Variants in MROH7 observed in about 807,000 individuals in gnomAD.
MROH7 encodes maestro heat-like repeat-containing protein family member 7.
A neutral mutation model predicts 129.2 loss-of-function variants in MROH7; 113 were observed. The observed-to-expected ratio is 0.87, with a 90% CI of 0.75 to 1.02. The LOEUF is 1.02. MROH7 is among the 50% of genes least tolerant of loss of function. The pLI is 0.00. For missense variants in MROH7, 1,601 were observed against 1,671.3 expected (o/e 0.96, Z 0.73); for synonymous variants, 655 against 667.9 (o/e 0.98, Z 0.30).
At chr1:54,694,725 C>T (rs563942005) in intron 16 of MROH7, among the ~76,000 whole-genome samples, 1 of 152,304 alleles carries the variant, frequency 6.6e-6, no homozygotes, top group African/African-American at 2.4e-5. Context: ...CCGTCTCAGC[C>T]TCCCAAAGTG....
chr1:54,670,065 TAAA>T (rs1644872143), intron 5 of MROH7, among the ~76,000 whole-genome samples: 1 of 64,120 alleles, frequency 1.6e-5, no homozygotes, highest in Admixed American at 2.0e-4. Flanking sequence ...GGTCTCATCT[TAAA>T]AAGAAGAAAA....
rs772592162 is a variant in MROH7 at position 54,695,499 on chromosome 1, G to A, written c.2964+9G>A. The A allele has an allele frequency of 4.8e-5, 77 of 1,591,748 alleles. 1 individual carries two copies. Among genetic ancestry groups the A allele is most frequent in the South Asian group, 3.0e-4 (27 of 89,866 alleles). Reference sequence around the variant, plus strand: ...CCGCCTTCTTCGTGGAGGTACCAACGGGGGCAGCGGGTACACAGCGGGAGC... The same window carrying A: ...CCGCCTTCTTCGTGGAGGTACCAACAGGGGCAGCGGGTACACAGCGGGAGC... On this transcript the variant is annotated intron_variant, in intron 17 of 23. Transcript: ENST00000421030.
At chr1:54,670,467 T>C in intron 5 of MROH7, 30 bp from the exon 6 acceptor site, 1 of 1,605,900 alleles carries the variant, frequency 6.2e-7, no homozygotes, top group East Asian at 2.2e-5. Flanking sequence ...AGCCCTGTCC[T>C]CATCGGCCCT....
chr1:54,682,987 T>C (rs1425571165), intron 14 of MROH7, among the ~76,000 whole-genome samples, 193 bp downstream of exon 14: 3 of 152,044 alleles, frequency 2.0e-5, no homozygotes, highest in Non-Finnish European at 4.4e-5. Flanking sequence ...TTGTCTATGG[T>C]GACAACAGCA....
At chr1:54,680,540 T>C (rs572448076) in intron 13 of MROH7, among the ~76,000 whole-genome samples, 31 of 152,308 alleles carry the variant, frequency 2.0e-4, no homozygotes, top group Admixed American at 4.6e-4. Flanking sequence ...ATGACAGTAA[T>C]GCAGCCAGCG....
chr1:54,686,147 G>A, intron 14 of MROH7, 111 bp from the exon 15 acceptor site: 1 of 966,218 alleles, frequency 1.0e-6, no homozygotes, highest in Non-Finnish European at 1.5e-6. Flanking sequence ...GGCTGGGCCA[G>A]AGGACAGCAA....
chr1:54,673,838 A>C (rs1451531765), intron 9 of MROH7, 33 bp downstream of exon 9: 41 of 1,583,846 alleles, frequency 2.6e-5, no homozygotes, highest in Non-Finnish European at 3.2e-5. Context: ...GGACACTCTT[A>C]GGGAAAATCT....
chr1:54,707,466 A>G (rs1431051217), intron 22 of MROH7, among the ~76,000 whole-genome samples: 1 of 152,240 alleles, frequency 6.6e-6, no homozygotes, highest in Non-Finnish European at 1.5e-5. Flanking sequence ...AGAACAACAA[A>G]GAGCCCTTCA....
intron 1 of MROH7, among the ~76,000 whole-genome samples, chr1:54,650,137 C>T (rs949032433): frequency 2.0e-5 from 3 of 152,160 alleles, no homozygotes; most frequent in African/African-American, 4.8e-5. Context: ...TTAAGGGCTT[C>T]GGTGGGCCAT....
At chr1:54,660,522 A>G (rs988794090) in intron 3 of MROH7, among the ~76,000 whole-genome samples, 23 of 152,216 alleles carry the variant, frequency 1.5e-4, no homozygotes, top group African/African-American at 5.5e-4. Flanking sequence ...AGTTAAAAAA[A>G]TTGTAGTCAG....
chr1:54,699,161 T>TCTGTCTGTG (rs1553176968), intron 17 of MROH7: 4 of 113,502 alleles, frequency 3.5e-5, no homozygotes, highest in African/African-American at 1.4e-4. Flanking sequence ...TTTCTTTCTT[T>TCTGTCTGTG]TCTTTCTTTC....
intron 1 of MROH7, 84 bp downstream of exon 1, chr1:54,642,052 T>C (rs892485662): frequency 2.0e-5 from 3 of 150,760 alleles, no homozygotes; most frequent in African/African-American, 7.3e-5. Context: ...TGGCTGGGAG[T>C]TGGGGGGAGG....
chr1:54,680,948 G>GA (rs1553173795), intron 13 of MROH7, among the ~76,000 whole-genome samples: 1 of 149,614 alleles, frequency 6.7e-6, no homozygotes, highest in Non-Finnish European at 1.5e-5. Flanking sequence ...CCCCACCAGG[G>GA]TTTTTTTTTT....
Position 54,692,501 on chromosome 1 carries a change from G to A in MROH7, c.2789G>A (p.Gly930Asp), listed in dbSNP as rs568935952. The A allele has an allele frequency of 1.2e-6, 2 of 1,614,106 alleles. No homozygotes were observed. Among genetic ancestry groups the A allele is most frequent in the Admixed American group, 1.7e-5 (1 of 60,032 alleles). ...SYETTFLEDQ[G>D]GWELMEQVES... ...GAGACCACGTTTCTGGAGGACCAGG[G>A]TGGCTGGGAGCTCATGGAGCAGGTG... is the stretch of plus-strand genomic sequence containing the variant. The change falls in exon 16 of 24, where the codon GGT (glycine) becomes GAT (aspartate). Residue 930 changes from glycine (G) to aspartate (D), a missense_variant. Gly to Asp is a moderately conservative substitution (Grantham distance 94). Transcript: ENST00000421030.
Position 54,692,177 on chromosome 1 carries a change from G to C in MROH7, c.2712-247G>C, listed in dbSNP as rs936203392. On this transcript the variant is annotated intron_variant, in intron 15 of 23. Coordinates refer to ENST00000421030, the MANE Select transcript of MROH7 (RefSeq NM_001039464.4). ...CTGATGCATAGTGGAGGGTGAGAGA[G>C]AGGCTGGTCCCAGAGGTAAAAGCAC... 9.8e-5 allele frequency among the ~76,000 whole-genome samples: 15 copies of C among 152,356 alleles called. No individual in the cohort carries two copies. The South Asian group carries it at 1.2e-3, about 13-fold the overall frequency.
rs71048705 is a variant in MROH7, at chr1:54,699,159, T to TTTCTTTCC, written c.2965-1160_2965-1159insCTTTCCTT. 4.6e-5 allele frequency: 3 copies of TTTCTTTCC among 65,920 alleles called. 1 individual carries two copies. Among genetic ancestry groups the TTTCTTTCC allele is most frequent in the African/African-American group, 1.7e-4 (3 of 17,632 alleles). The allele number at this position is 65,920 out of a possible 1,614,324, so 4.1% of individuals were successfully genotyped here. On this transcript the variant is annotated intron_variant, in intron 17 of 23. Transcript: ENST00000421030. ...CTTTCTTTCTTTCTTTCTTTCTTTC[T>TTTCTTTCC]TTTCTTTCTTTCTTTCTTTCTTTCT...
intron 10 of MROH7, among the ~76,000 whole-genome samples, chr1:54,677,085 T>C (rs1644993738): frequency 6.6e-6 from 1 of 151,752 alleles, no homozygotes; most frequent in Non-Finnish European, 1.5e-5. Context: ...AAGTGAACCA[T>C]CTGCCTCGGC....
chr1:54,676,249 A>T (rs557699536), intron 10 of MROH7, among the ~76,000 whole-genome samples: 22 of 151,600 alleles, frequency 1.5e-4, no homozygotes, highest in Non-Finnish European at 7.4e-5. Flanking sequence ...AGATTTATTT[A>T]TTTTTTGAGA....
intron 22 of MROH7, 136 bp from the exon 23 acceptor site, chr1:54,708,878 A>G (rs958174617): frequency 5.3e-6 from 4 of 748,850 alleles, no homozygotes; most frequent in African/African-American, 5.3e-5. Context: ...CAGGGTCCAA[A>G]TGAAGTTTTG....
Sources: allele counts gnomAD v4.1 joint callset (sites outside exome capture counted in the v4.1 genomes callset), GRCh38; gene constraint gnomAD v4.1.1; transcripts MANE v1.5; gene names NCBI Gene and HGNC (gene_info 2026-07-23, HGNC 2026-07-21).